ATXN3: variants seen among roughly 807,000 people sequenced by gnomAD.
The protein encoded by ATXN3 is ataxin 3.
In ATXN3, 28 loss-of-function variants were observed where a neutral mutation model predicts 58.2. The ratio of observed to expected loss-of-function variants is 0.48; its 90% confidence interval spans 0.36 to 0.66. The LOEUF (loss-of-function observed/expected upper bound fraction) is 0.66. ATXN3 is among the 30% of genes least tolerant of loss of function. The pLI is 0.00. For missense variants in ATXN3, 321 were observed against 422.1 expected (o/e 0.76, Z 2.10); for synonymous variants, 113 against 138.5 (o/e 0.82, Z 1.29).
chr14:92,090,290 G>A (rs2063495591), intron 5 of ATXN3: 1 of 151,948 alleles, frequency 6.6e-6, no homozygotes, highest in Non-Finnish European at 1.5e-5. Context: ...TTTTTGTGTG[G>A]AGAAGGGGTC....
intron 1 of ATXN3, among the ~76,000 whole-genome samples, chr14:92,104,285 C>T (rs570909350): frequency 3.3e-5 from 5 of 152,102 alleles, no homozygotes; most frequent in Non-Finnish European, 5.9e-5. Flanking sequence ...GGATTACAGG[C>T]GCCTGCCACC....
chr14:92,053,649 A>G (rs2057455890), downstream of ATXN3, among the ~76,000 whole-genome samples: 2 of 151,880 alleles, frequency 1.3e-5, no homozygotes, highest in Non-Finnish European at 1.5e-5. Context: ...GGTGCATGCC[A>G]CCATACCCAA....
intron 8 of ATXN3, 128 bp from the exon 9 acceptor site, chr14:92,081,189 T>C (rs1437246374): frequency 2.1e-5 from 13 of 608,564 alleles, no homozygotes; most frequent in Non-Finnish European, 3.7e-5. Flanking sequence ...TCTACTCTTC[T>C]GGCTGGGCGT....
chr14:92,082,336 C>A lies in ATXN3; in HGVS notation c.739G>T (p.Ala247Ser). The change falls in exon 8 of 11, where the codon GCA becomes TCA. Residue 247 changes from alanine (A) to serine (S), a missense_variant. By Grantham distance (99) the Ala-to-Ser change is moderately conservative. Around this residue, in one of 2 missense-constraint regions of ATXN3, gnomAD observed 200 missense variants for 223.2 expected, o/e 0.90. Coordinates refer to ENST00000644486, the MANE Select transcript of ATXN3 (RefSeq NM_004993.6). ...RQEIDMEDEE[A>S]DLRRAIQLSM... The stretch of plus-strand genomic sequence containing the variant: ...AGCTGAATAGCCCTGCGGAGATCTG[C>A]TTCCTCATCTTCCATGTCAATTTCT... 1 of 1,614,126 alleles carries A rather than the reference C, an allele frequency of 6.2e-7. No homozygotes were observed. Among genetic ancestry groups the A allele is most frequent in the Non-Finnish European group, 8.5e-7 (1 of 1,180,044 alleles).
rs1168775521 is a variant in ATXN3 at position 92,096,653 on chromosome 14, TAGTG to T, written c.189+17_189+20del. ...AAAAAAAAAAAAAAGAAATGTGACT[TAGTG>T]AGTTTAAAATCAGTACCTGTAAAAA... is the stretch of plus-strand genomic sequence containing the variant. On this transcript the variant is annotated intron_variant, in intron 2 of 10. Coordinates refer to ENST00000644486, the MANE Select transcript of ATXN3 (RefSeq NM_004993.6). The T allele has an allele frequency of 7.0e-6, 11 of 1,582,336 alleles. No homozygotes were observed. Among genetic ancestry groups the T allele is most frequent in the Non-Finnish European group, 8.6e-6 (10 of 1,167,108 alleles).
chr14:92,075,156 GTTTTTTT>G (rs376552690), intron 9 of ATXN3, among the ~76,000 whole-genome samples: 1,314 of 111,326 alleles, frequency 0.012, 19 homozygotes, highest in African/African-American at 0.041. Context: ...GTAATAGGGA[GTTTTTTT>G]TTTTTTTTTT....
intron 1 of ATXN3, 96 bp downstream of exon 1, chr14:92,106,433 A>G (rs1227668848): frequency 6.6e-7 from 1 of 1,521,712 alleles, no homozygotes; most frequent in Non-Finnish European, 9.1e-7. Context: ...CATGGGGGCG[A>G]CTCGGGCCCC....
chr14:92,097,571 C>G (rs1330345346), intron 1 of ATXN3, among the ~76,000 whole-genome samples: 2 of 149,768 alleles, frequency 1.3e-5, no homozygotes, highest in Non-Finnish European at 3.0e-5. Flanking sequence ...TGTCACCCAG[C>G]CTGGAGTGCA....
intron 6 of ATXN3, among the ~76,000 whole-genome samples, chr14:92,086,007 C>A (rs565549046): frequency 1.3e-5 from 2 of 151,920 alleles, no homozygotes; most frequent in East Asian, 3.9e-4. Context: ...TATCTAAAAT[C>A]AAAGAATTAA....
Position 92,064,421 on chromosome 14 carries a change from G to T in ATXN3, c.992-7C>A, listed in dbSNP as rs748394394. On this transcript the variant is annotated splice_polypyrimidine_tract_variant and splice_region_variant and intron_variant, in intron 10 of 10. Transcript: ENST00000644486. ...TCTTCACTCATAGCATCACCTGTTGGGAAACAAAACCACATTTCTTTAAAA... is the reference window on the plus strand; with the variant it reads ...TCTTCACTCATAGCATCACCTGTTGTGAAACAAAACCACATTTCTTTAAAA... 2 of 1,589,780 alleles carry T rather than the reference G, an allele frequency of 1.3e-6. No homozygotes were observed. The highest frequency in any genetic ancestry group is 1.7e-6 in the Non-Finnish European group (2 of 1,165,494).
Position 92,106,557 on chromosome 14 carries a change from A to G in ATXN3, c.-5T>C. 1 of 1,612,684 alleles carries G rather than the reference A, an allele frequency of 6.2e-7. No individual in the cohort carries two copies. Among genetic ancestry groups the G allele is most frequent in the South Asian group, 1.1e-5 (1 of 91,046 alleles). ...CTCGTGGAAGATGGACTCCATGTTT[A>G]TTTGTCTGGAGCCAACGGCCCCCAC... On this transcript the variant is annotated 5_prime_UTR_variant, in exon 1 of 11. Transcript: ENST00000644486.
chr14:92,076,802 T>C (rs1408611915), intron 9 of ATXN3, among the ~76,000 whole-genome samples: 1 of 151,824 alleles, frequency 6.6e-6, no homozygotes, highest in Non-Finnish European at 1.5e-5. Context: ...TAGCCAGGCA[T>C]GGAGGCACTT....
At chr14:92,072,053 T>G (rs1287608724) in intron 9 of ATXN3, among the ~76,000 whole-genome samples, 2 of 152,206 alleles carry the variant, frequency 1.3e-5, no homozygotes. Context: ...ATAAATGAAA[T>G]AAATGAAAAC....
chr14:92,045,253 G>A (rs2057421727), intron 2 of ATXN3, among the ~76,000 whole-genome samples: 1 of 152,128 alleles, frequency 6.6e-6, no homozygotes, highest in Admixed American at 6.5e-5. Flanking sequence ...TGAAGATTGA[G>A]GACGGTAAGG....
intron 9 of ATXN3, chr14:92,073,561 G>T (rs1244787775): frequency 1.3e-5 from 2 of 151,934 alleles, no homozygotes; most frequent in Admixed American, 6.6e-5. Context: ...AACCTTGTCT[G>T]GGCACGGTGG....
rs1482493436 is a variant in ATXN3, at chr14:92,061,943, T to C, written c.*2377A>G. The C allele has an allele frequency of 1.3e-5, 2 of 152,258 alleles. No homozygotes were observed. Among genetic ancestry groups the C allele is most frequent in the African/African-American group, 2.4e-5 (1 of 41,462 alleles). The allele number at this position is 152,258 out of a possible 1,614,324, so 9.4% of individuals were successfully genotyped here. A position where few individuals can be genotyped will look rare whatever the true frequency, so the allele number is the denominator to read the frequency against. ...AACACATTCAAACGCATCCAGTGTGTGCTCAGCTCTGCTTTAAAAACTCTC... is the reference window on the plus strand; with the variant it reads ...AACACATTCAAACGCATCCAGTGTGCGCTCAGCTCTGCTTTAAAAACTCTC... On this transcript the variant is annotated 3_prime_UTR_variant, in exon 11 of 11. Transcript: ENST00000644486.
At position 92,096,701 on chromosome 14, in the gene ATXN3, A is replaced by C. The variant is rs2065359108; in HGVS notation, c.162T>G (p.Thr54=). ...GTAAAAACGTGCGATAATCTTCACT[A>C]GTAACTCCTCCTTCTGCCATTCTCA... is the stretch of plus-strand genomic sequence containing the variant. ...ERMRMAEGGV[T]SEDYRTFLQQ... Residue 54 remains threonine, a synonymous_variant, in exon 2 of 11, where the codon ACT becomes ACG. Coordinates refer to ENST00000644486, the MANE Select transcript of ATXN3 (RefSeq NM_004993.6). 6.2e-7 allele frequency: 1 copy of C among 1,613,572 alleles called. No homozygotes were observed. The highest frequency in any genetic ancestry group is 8.5e-7 in the Non-Finnish European group (1 of 1,179,950).
At chr14:92,095,144 G>A (rs947034204) in intron 3 of ATXN3, among the ~76,000 whole-genome samples, 1 of 151,580 alleles carries the variant, frequency 6.6e-6, no homozygotes, top group Non-Finnish European at 1.5e-5. Context: ...AGGAAATCCA[G>A]TCTGGTAGGC....
In ATXN3 at chr14:92,086,457, C is replaced by T. The variant is rs577038556; in HGVS notation, c.475+2273G>A. Among the ~76,000 whole-genome samples the T allele has an allele frequency of 3.3e-5, 5 of 150,584 alleles. No homozygotes were observed. In the East Asian group the frequency reaches 9.8e-4, roughly 30 times the overall value. ...GCACATGCCTGTAAATCCAGCTACT[C>T]GGGAGGCTGAGGCAAGAAAATCGCT... On this transcript the variant is annotated intron_variant, in intron 6 of 10. Coordinates refer to ENST00000644486, the MANE Select transcript of ATXN3 (RefSeq NM_004993.6).
Sources: gnomAD v4.1 joint callset for allele counts (sites outside exome capture counted in the v4.1 genomes callset) on GRCh38, gnomAD v4.1.1 for gene constraint, gnomAD v4.1.1 regional missense constraint, MANE v1.5 for transcripts, NCBI Gene and HGNC (gene_info 2026-07-23, HGNC 2026-07-21) for gene names.